KLF12: variants seen among roughly 807,000 people sequenced by gnomAD.
KLF12 encodes the protein KLF transcription factor 12, also known as Krueppel-like factor 12.
A neutral mutation model predicts 37.8 loss-of-function variants in KLF12; 9 were observed. That is an observed-to-expected ratio of 0.24 (90% CI 0.14 to 0.42). The LOEUF is 0.42. Ranked by LOEUF, KLF12 falls within the 10% of genes least tolerant of loss-of-function variation. The pLI is 1.00. For missense variants in KLF12, 411 were observed against 516.0 expected (o/e 0.80, Z 1.97); for synonymous variants, 208 against 202.1 (o/e 1.03, Z -0.25).
At chr13:73,826,785 C>CACACACAT (rs1265525353) in intron 4 of KLF12, among the ~76,000 whole-genome samples, 2 of 151,418 alleles carry the variant, frequency 1.3e-5, no homozygotes, top group Admixed American at 6.6e-5. Flanking sequence ...CACACACACA[C>CACACACAT]ATATATATTT....
At chr13:74,263,402 A>G in the KLF12 span, among the ~76,000 whole-genome samples, 2 of 152,348 alleles carry the variant, frequency 1.3e-5, no homozygotes, top group South Asian at 4.1e-4. Context: ...CTCTGACTCT[A>G]TGAATATATG....
intron 3 of KLF12, among the ~76,000 whole-genome samples, chr13:73,877,284 T>C (rs575542782): frequency 6.6e-6 from 1 of 152,336 alleles, no homozygotes; most frequent in East Asian, 1.9e-4. Context: ...ACCGTATTAA[T>C]AGTATTTTAA....
chr13:73,754,638 T>A (rs371731451), intron 6 of KLF12, among the ~76,000 whole-genome samples: 1 of 151,808 alleles, frequency 6.6e-6, no homozygotes, highest in African/African-American at 2.4e-5. Context: ...AGACTTTCAA[T>A]AACTTAAGTT....
chr13:73,964,285 A>G (rs1485033949), intron 2 of KLF12, among the ~76,000 whole-genome samples: 1 of 152,178 alleles, frequency 6.6e-6, no homozygotes, highest in Non-Finnish European at 1.5e-5. Context: ...ACAAATATTA[A>G]TAAGTAGGTC....
At chr13:74,144,961 C>T in the KLF12 span, among the ~76,000 whole-genome samples, 1 of 152,016 alleles carries the variant, frequency 6.6e-6, no homozygotes, top group Non-Finnish European at 1.5e-5. Context: ...TTACACTACC[C>T]ACCCCACCCC....
rs551223251 is a variant in KLF12 at position 73,700,405 on chromosome 13, A to G, written c.1028-4734T>C. ...ACCTTTCCTATGTGGGGGAGGGGGA[A>G]GAAAGTATATCAGAAAACAGTAATT... On this transcript the variant is annotated intron_variant, in intron 7 of 7. Coordinates refer to ENST00000377669, the MANE Select transcript of KLF12 (RefSeq NM_007249.5). Among the ~76,000 whole-genome samples the G allele has an allele frequency of 3.5e-4, 54 of 152,114 alleles. 1 individual carries two copies. The South Asian group carries it at 0.011, about 32-fold the overall frequency.
the KLF12 span, among the ~76,000 whole-genome samples, chr13:74,188,696 G>T: frequency 6.6e-6 from 1 of 151,944 alleles, no homozygotes; most frequent in East Asian, 1.9e-4. Context: ...TAGGTATTCA[G>T]CTTAAAAACA....
chr13:74,044,999 T>A (rs925543697), intron 1 of KLF12, among the ~76,000 whole-genome samples: 2 of 152,084 alleles, frequency 1.3e-5, no homozygotes, highest in African/African-American at 4.8e-5. Context: ...GATAGGTAGG[T>A]AGATAGATAA....
intron 3 of KLF12, among the ~76,000 whole-genome samples, chr13:73,892,431 T>C (rs1022637500): frequency 2.6e-5 from 4 of 152,208 alleles, no homozygotes; most frequent in African/African-American, 7.2e-5. Context: ...TGTCCACATA[T>C]ATATTCATTT....
chr13:73,961,803 A>G (rs1191241894), intron 2 of KLF12, among the ~76,000 whole-genome samples: 1 of 152,226 alleles, frequency 6.6e-6, no homozygotes, highest in Non-Finnish European at 1.5e-5. Flanking sequence ...AGATGCCATT[A>G]CACAACTATT....
At chr13:73,997,680 T>C (rs1892161000) in intron 1 of KLF12, among the ~76,000 whole-genome samples, 1 of 152,086 alleles carries the variant, frequency 6.6e-6, no homozygotes, top group African/African-American at 2.4e-5. Context: ...TTTCTGAAAT[T>C]ATCCAGTAAA....
chr13:74,096,839 G>A (rs1223282843), intron 1 of KLF12, among the ~76,000 whole-genome samples: 1 of 152,160 alleles, frequency 6.6e-6, no homozygotes. Context: ...CAGAATAAAT[G>A]CCTGCACAGA....
chr13:73,979,397 A>ACG (rs1301018378), intron 2 of KLF12, among the ~76,000 whole-genome samples: 14 of 151,834 alleles, frequency 9.2e-5, no homozygotes, highest in East Asian at 3.9e-4. Flanking sequence ...ACACACACAC[A>ACG]CAAATCATGG....
intron 4 of KLF12, among the ~76,000 whole-genome samples, chr13:73,825,781 T>G (rs961667592): frequency 1.3e-5 from 2 of 152,136 alleles, no homozygotes; most frequent in Admixed American, 6.5e-5. Flanking sequence ...TGGCCTTGAT[T>G]TCCTTGACCA....
intron 4 of KLF12, among the ~76,000 whole-genome samples, chr13:73,840,456 T>C (rs1328576203): frequency 6.6e-6 from 1 of 152,126 alleles, no homozygotes; most frequent in Non-Finnish European, 1.5e-5. Context: ...TCTATTAAAA[T>C]GTGGAACAGG....
At chr13:73,750,979 A>G (rs917782059) in intron 6 of KLF12, among the ~76,000 whole-genome samples, 5 of 152,186 alleles carry the variant, frequency 3.3e-5, no homozygotes, top group Non-Finnish European at 5.9e-5. Context: ...CTTCTAAATC[A>G]TGGCACACTA....
intron 1 of KLF12, among the ~76,000 whole-genome samples, chr13:74,063,961 C>T (rs1025600883): frequency 2.6e-5 from 4 of 152,112 alleles, no homozygotes; most frequent in African/African-American, 9.7e-5. Flanking sequence ...CCTGTGGACA[C>T]AAAATTTATG....
At chr13:74,110,663 T>C (rs1876918496) in intron 1 of KLF12, among the ~76,000 whole-genome samples, 1 of 152,032 alleles carries the variant, frequency 6.6e-6, no homozygotes, top group Admixed American at 6.6e-5. Flanking sequence ...GATTCTAAAT[T>C]CTTTTTTGCC....
At chr13:74,071,415 A>G (rs1200804025) in intron 1 of KLF12, among the ~76,000 whole-genome samples, 2 of 152,278 alleles carry the variant, frequency 1.3e-5, no homozygotes, top group Non-Finnish European at 2.9e-5. Context: ...GGCCGGGCGC[A>G]GTGGCTTCCA....
Sources: allele counts gnomAD v4.1 joint callset (sites outside exome capture counted in the v4.1 genomes callset), GRCh38; gene constraint gnomAD v4.1.1; transcripts MANE v1.5; gene names NCBI Gene and HGNC (gene_info 2026-07-23, HGNC 2026-07-21).